CHSY1: variants seen among roughly 807,000 people sequenced by gnomAD.
CHSY1 encodes N-acetylgalactosaminyl-proteoglycan 3-beta-glucuronosyltransferase 1.
CHSY1 carries 13 observed loss-of-function variants against 59.8 expected under a neutral mutation model. The ratio of observed to expected loss-of-function variants is 0.22; its 90% CI spans 0.14 to 0.35. CHSY1 has a LOEUF of 0.35. CHSY1 is among the 10% of genes least tolerant of loss of function. The pLI, the probability that CHSY1 is intolerant of heterozygous loss-of-function variation, is 1.00. For synonymous variants in CHSY1, 459 were observed against 401.2 expected (o/e 1.14, Z -1.72); for missense variants, 947 against 1,030.6 (o/e 0.92, Z 1.11).
rs1596433467 is a variant in CHSY1 at position 101,192,599 on chromosome 15, G to A, written c.817-13619C>T. Among the ~76,000 whole-genome samples the A allele has an allele frequency of 6.0e-5, 9 of 150,818 alleles. No individual in the cohort carries two copies. The South Asian group carries it at 1.5e-3, about 25-fold the overall frequency. ...AAGATCAATATCTTCAGAAATACGA[G>A]AGGAAAAGCATCCTTCAAAGAGGAT... On this transcript the variant is annotated intron_variant, in intron 2 of 2. Transcript: ENST00000254190.
At chr15:101,234,981 C>T (rs2038926651) in intron 2 of CHSY1, 101 bp downstream of exon 2, 2 of 1,481,880 alleles carry the variant, frequency 1.3e-6, no homozygotes, top group Non-Finnish European at 1.9e-6. Flanking sequence ...AACTTCAACC[C>T]TCAAAGAGGA....
At chr15:101,193,448 A>G (rs1427709757) in intron 2 of CHSY1, among the ~76,000 whole-genome samples, 1 of 151,854 alleles carries the variant, frequency 6.6e-6, no homozygotes, top group Non-Finnish European at 1.5e-5. Flanking sequence ...CAGAACATTC[A>G]TTTCTTCCCC....
At chr15:101,208,590 G>A (rs2038650958) in intron 2 of CHSY1, among the ~76,000 whole-genome samples, 1 of 151,860 alleles carries the variant, frequency 6.6e-6, no homozygotes, top group South Asian at 2.1e-4. Context: ...GCGGACGCCT[G>A]TAATACCAAC....
intron 2 of CHSY1, among the ~76,000 whole-genome samples, chr15:101,213,207 T>C (rs1596444391): frequency 6.6e-6 from 1 of 151,884 alleles, no homozygotes. Flanking sequence ...ACAGTGACAA[T>C]GATGTCTTGT....
At chr15:101,247,383 G>C (rs2039062232) in intron 1 of CHSY1, among the ~76,000 whole-genome samples, 1 of 152,248 alleles carries the variant, frequency 6.6e-6, no homozygotes, top group South Asian at 2.1e-4. Context: ...CTAACACAGA[G>C]AGGACACACT....
intron 2 of CHSY1, among the ~76,000 whole-genome samples, chr15:101,216,960 A>T (rs749467091): frequency 1.3e-5 from 2 of 152,260 alleles, no homozygotes; most frequent in African/African-American, 2.4e-5. Context: ...ATCTAACTGC[A>T]TTACAAATGT....
At chr15:101,207,351 G>A (rs983903025) in intron 2 of CHSY1, among the ~76,000 whole-genome samples, 3 of 152,168 alleles carry the variant, frequency 2.0e-5, no homozygotes, top group South Asian at 2.1e-4. Flanking sequence ...TCTTCACTTC[G>A]CCAACTAACA....
At chr15:101,246,217 T>C (rs574987129) in intron 1 of CHSY1, among the ~76,000 whole-genome samples, 2 of 152,304 alleles carry the variant, frequency 1.3e-5, no homozygotes, top group African/African-American at 4.8e-5. Context: ...TCCACCTCTT[T>C]CTTCTGACAA....
At chr15:101,244,927 T>C (rs534444808) in intron 1 of CHSY1, among the ~76,000 whole-genome samples, 1 of 152,258 alleles carries the variant, frequency 6.6e-6, no homozygotes, top group African/African-American at 2.4e-5. Flanking sequence ...CCTTTAAAAT[T>C]CCTTTGGAAA....
rs116051847 is a variant in CHSY1, at chr15:101,176,591, C to T, written c.*797G>A. ...TTCACGCCCCTTGCTTTAAAACCTA[C>T]GTGGCCAGCTGGGCTTGCATGGTGA... On this transcript the variant is annotated 3_prime_UTR_variant, in exon 3 of 3. Coordinates refer to ENST00000254190, the MANE Select transcript of CHSY1 (RefSeq NM_014918.5). 383 of 392,786 alleles carry T rather than the reference C, an allele frequency of 9.8e-4. 1 individual carries two copies. Among genetic ancestry groups the T allele is most frequent in the African/African-American group, 6.4e-3 (310 of 48,616 alleles). 24.3% of individuals were successfully genotyped at this position (392,786 alleles called of 1,614,324 possible). A position where few individuals can be genotyped will look rare whatever the true frequency, so the allele number is the denominator to read the frequency against.
rs995218439 is a variant in CHSY1 at position 101,192,294 on chromosome 15, T to C, written c.817-13314A>G. 4.6e-5 allele frequency among the ~76,000 whole-genome samples: 7 copies of C among 152,294 alleles called. No homozygotes were observed. In the East Asian group the frequency reaches 1.2e-3, roughly 25 times the overall value. On this transcript the variant is annotated intron_variant, in intron 2 of 2. Coordinates refer to ENST00000254190, the MANE Select transcript of CHSY1 (RefSeq NM_014918.5). The stretch of plus-strand genomic sequence containing the variant: ...CAAAAAGATTAATCACAGACAACAA[T>C]GTAAGTGGCTCCTGTCAATACGTAA...
At chr15:101,199,482 G>A (rs1187776430) in intron 2 of CHSY1, among the ~76,000 whole-genome samples, 4 of 152,164 alleles carry the variant, frequency 2.6e-5, no homozygotes, top group East Asian at 1.9e-4. Flanking sequence ...CAGCCTGGGC[G>A]GCAGGGTGAG....
intron 2 of CHSY1, among the ~76,000 whole-genome samples, chr15:101,202,880 A>C (rs1480631760): frequency 6.6e-6 from 1 of 152,224 alleles, no homozygotes; most frequent in East Asian, 1.9e-4. Flanking sequence ...ATCATGAACC[A>C]GCTATAATTT....
At chr15:101,218,554 G>A (rs1297413931) in intron 2 of CHSY1, among the ~76,000 whole-genome samples, 1 of 152,210 alleles carries the variant, frequency 6.6e-6, no homozygotes, top group East Asian at 1.9e-4. Flanking sequence ...GGCGGAGGTT[G>A]CAGTGAGCTG....
At chr15:101,242,925 G>A (rs545320660) in intron 1 of CHSY1, among the ~76,000 whole-genome samples, 1 of 152,296 alleles carries the variant, frequency 6.6e-6, no homozygotes, top group Admixed American at 6.5e-5. Flanking sequence ...GAAAGGAGGT[G>A]GGAAAATGTA....
Position 101,251,199 on chromosome 15 carries a change from A to G in CHSY1, c.258T>C (p.Phe86=), listed in dbSNP as rs1049061466. The change falls in exon 1 of 3, where the codon TTT becomes TTC. Residue 86 remains phenylalanine (F), a synonymous_variant. Transcript: ENST00000254190. The stretch of plus-strand genomic sequence containing the variant: ...GGGCGGTCATGACTCCCACGAAGAG[A>G]AAGTTCCTGTCGCGCGGGCCGCCAT... ...DPDGGPRDRN[F]LFVGVMTAQK... 1.2e-5 allele frequency: 20 copies of G among 1,600,326 alleles called. No individual in the cohort carries two copies. The highest frequency in any genetic ancestry group is 2.7e-5 in the African/African-American group (2 of 74,592).
intron 2 of CHSY1, among the ~76,000 whole-genome samples, chr15:101,208,415 T>A (rs1177896099): frequency 6.6e-6 from 1 of 151,916 alleles, no homozygotes; most frequent in Non-Finnish European, 1.5e-5. Context: ...TAGGGGCATA[T>A]CAAAAAGATA....
intron 2 of CHSY1, among the ~76,000 whole-genome samples, chr15:101,179,249 CAT>C (rs2038242157): frequency 6.6e-6 from 1 of 152,144 alleles, no homozygotes; most frequent in Non-Finnish European, 1.5e-5. Context: ...ATAATGAAAA[CAT>C]ATAAAATTGA....
rs1425347183 is a variant in CHSY1 at position 101,251,047 on chromosome 15, C to G, written c.320+90G>C. On this transcript the variant is annotated intron_variant, in intron 1 of 2. Coordinates refer to ENST00000254190, the MANE Select transcript of CHSY1 (RefSeq NM_014918.5). ...GGAAGCCCAAGAAGGGCCTAGGAAG[C>G]GGGCGGAGGCGAGAGCCAGGAGAGC... 4.2e-5 allele frequency: 53 copies of G among 1,253,070 alleles called. No homozygotes were observed. In the East Asian group the frequency reaches 1.4e-3, roughly 33 times the overall value. The allele number at this position is 1,253,070 out of a possible 1,614,324, so 77.6% of individuals were successfully genotyped here.
Sources: gnomAD v4.1 joint callset for allele counts (sites outside exome capture counted in the v4.1 genomes callset) on GRCh38, gnomAD v4.1.1 for gene constraint, MANE v1.5 for transcripts, NCBI Gene and HGNC (gene_info 2026-07-23, HGNC 2026-07-21) for gene names.